MAF: variants seen among roughly 807,000 people sequenced by gnomAD.
The protein encoded by MAF is transcription factor Maf.
A neutral mutation model predicts 22.0 loss-of-function variants in MAF; 10 were observed. That is an observed-to-expected ratio of 0.45 (90% confidence interval 0.28 to 0.77). The LOEUF is 0.77. Ranked by LOEUF, MAF falls within the 30% of genes least tolerant of loss-of-function variation. MAF has a pLI of 0.12. For missense variants in MAF, 544 were observed against 548.4 expected (o/e 0.99, Z 0.08); for synonymous variants, 337 against 255.8 (o/e 1.32, Z -3.03).
chr16:79,555,812 T>C, the MAF span, among the ~76,000 whole-genome samples: 9 of 152,210 alleles, frequency 5.9e-5, no homozygotes, highest in African/African-American at 2.2e-4. Context: ...ATTAATAGTA[T>C]TTCTACCAAA....
chr16:79,551,501 G>C, the MAF span, among the ~76,000 whole-genome samples: 8 of 152,118 alleles, frequency 5.3e-5, no homozygotes, highest in African/African-American at 1.9e-4. Context: ...ACAATTACAA[G>C]TGAGAAAGAC....
the MAF span, among the ~76,000 whole-genome samples, chr16:79,319,442 T>G: frequency 3.9e-5 from 6 of 152,340 alleles, no homozygotes; most frequent in South Asian, 2.1e-4. Flanking sequence ...AAACCGGATA[T>G]TAGCTAGTGG....
At chr16:79,420,559 C>T in the MAF span, among the ~76,000 whole-genome samples, 1 of 152,146 alleles carries the variant, frequency 6.6e-6, no homozygotes, top group East Asian at 1.9e-4. Context: ...CTACGGCCTC[C>T]CCCACTAACA....
the MAF span, among the ~76,000 whole-genome samples, chr16:79,375,574 T>A: frequency 2.0e-5 from 3 of 152,026 alleles, no homozygotes; most frequent in African/African-American, 4.8e-5. Flanking sequence ...ATGATGAAGA[T>A]GATGATGATA....
At chr16:79,594,878 G>C in intron 1 of MAF, 1 of 1,211,086 alleles carries the variant, frequency 8.3e-7, no homozygotes, top group East Asian at 3.8e-5. Context: ...AAGTTTGGGG[G>C]CCCAAACCTG....
the MAF span, among the ~76,000 whole-genome samples, chr16:79,359,060 C>G: frequency 1.3e-5 from 2 of 152,200 alleles, no homozygotes; most frequent in Non-Finnish European, 2.9e-5. Context: ...AACAAAGGAG[C>G]CAGTGCCCAG....
rs779633071 is a variant in MAF, at chr16:79,599,764, C to T, written c.139G>A (p.Gly47Ser). 3 of 1,613,140 alleles carry T rather than the reference C, an allele frequency of 1.9e-6. No individual in the cohort carries two copies. Among genetic ancestry groups the T allele is most frequent in the East Asian group, 4.5e-5 (2 of 44,828 alleles). ...VETDRIISQC[G>S]RLIAGGSLSS... ...AGCGAGCCCCCGGCGATGAGACGGC[C>T]GCACTGGCTGATGATGCGGTCGGTC... Residue 47 changes from glycine (G) to serine (S), a missense_variant, in exon 1 of 2, where the codon GGC becomes AGC. Gly to Ser is a moderately conservative substitution (Grantham distance 56, BLOSUM62 0). Coordinates refer to ENST00000326043, the MANE Select transcript of MAF (RefSeq NM_005360.5).
chr16:79,416,452 C>T, the MAF span, among the ~76,000 whole-genome samples: 6 of 146,486 alleles, frequency 4.1e-5, no homozygotes, highest in Admixed American at 2.0e-4. Context: ...CGGTGATACA[C>T]TACATTTGCA....
the MAF span, among the ~76,000 whole-genome samples, chr16:79,459,969 T>A: frequency 6.6e-6 from 1 of 152,216 alleles, no homozygotes; most frequent in Non-Finnish European, 1.5e-5. Context: ...ATTTGCTGGG[T>A]CAGTGGGTAT....
the MAF span, among the ~76,000 whole-genome samples, chr16:79,541,453 T>C: frequency 1.3e-5 from 2 of 151,646 alleles, no homozygotes; most frequent in African/African-American, 4.9e-5. Flanking sequence ...CTAGGCACAG[T>C]AGTACCTGCT....
At chr16:79,361,779 G>C in the MAF span, among the ~76,000 whole-genome samples, 1 of 151,964 alleles carries the variant, frequency 6.6e-6, no homozygotes, top group East Asian at 1.9e-4. Context: ...ACATTGTTTT[G>C]ATTTTTATTT....
chr16:79,204,577 C>T, the MAF span: 1 of 152,086 alleles, frequency 6.6e-6, no homozygotes, highest in African/African-American at 2.4e-5. Context: ...TTCTGGAACA[C>T]GAAGGAGGTA....
chr16:79,520,197 T>C, the MAF span, among the ~76,000 whole-genome samples: 1 of 152,200 alleles, frequency 6.6e-6, no homozygotes, highest in African/African-American at 2.4e-5. Flanking sequence ...CAATGCCAGC[T>C]CTTCTTAGCA....
At chr16:79,583,702 C>T (rs1597830300), downstream of MAF, among the ~76,000 whole-genome samples, 1 of 152,200 alleles carries the variant, frequency 6.6e-6, no homozygotes, top group African/African-American at 2.4e-5. Flanking sequence ...TGTGTTGTCT[C>T]CTTGTCACAA....
chr16:79,382,965 A>G, the MAF span, among the ~76,000 whole-genome samples: 3 of 152,344 alleles, frequency 2.0e-5, no homozygotes, highest in Admixed American at 6.5e-5. Context: ...TCATTCATTC[A>G]TTCACTCATT....
the MAF span, among the ~76,000 whole-genome samples, chr16:79,314,855 C>A: frequency 6.6e-6 from 1 of 152,184 alleles, no homozygotes; most frequent in Admixed American, 6.5e-5. Context: ...CCCTGAGCCT[C>A]CTCAGGGAAA....
At chr16:79,350,270 G>A in the MAF span, among the ~76,000 whole-genome samples, 2 of 152,104 alleles carry the variant, frequency 1.3e-5, no homozygotes, top group African/African-American at 4.8e-5. Flanking sequence ...ACTTCTAAAA[G>A]CCCACTATGT....
the MAF span, among the ~76,000 whole-genome samples, chr16:79,424,343 C>T: frequency 2.0e-5 from 3 of 152,276 alleles, no homozygotes; most frequent in South Asian, 2.1e-4. Context: ...TCAATACCAC[C>T]GGCCAGCTTG....
chr16:79,332,800 G>A, the MAF span, among the ~76,000 whole-genome samples: 2 of 152,214 alleles, frequency 1.3e-5, no homozygotes, highest in Non-Finnish European at 2.9e-5. Context: ...GTTAGGCTTT[G>A]AGGGTGACTA....
Sources: allele counts gnomAD v4.1 joint callset (sites outside exome capture counted in the v4.1 genomes callset), GRCh38; gene constraint gnomAD v4.1.1; transcripts MANE v1.5; gene names NCBI Gene and HGNC (gene_info 2026-07-23, HGNC 2026-07-21).